The following BLM variants were observed in gnomAD, a reference collection of about 807,000 sequenced individuals.
BLM encodes the protein BLM RecQ like helicase, also known as recQ-like DNA helicase BLM.
Under a neutral mutation model 135.3 loss-of-function variants are expected in BLM, and 95 were observed. The ratio of observed to expected loss-of-function variants is 0.70; its 90% CI spans 0.59 to 0.83. The LOEUF is 0.83. BLM is among the 40% of genes least tolerant of loss of function. BLM has a pLI of 0.00. For synonymous variants in BLM, 520 were observed against 589.2 expected (o/e 0.88, Z 1.70); for missense variants, 1,518 against 1,663.9 (o/e 0.91, Z 1.53).
intron 2 of BLM, among the ~76,000 whole-genome samples, chr15:90,748,801 A>C (rs1895580466): frequency 6.7e-6 from 1 of 148,746 alleles, no homozygotes; most frequent in Admixed American, 6.8e-5. Flanking sequence ...TCTGTCACCC[A>C]GGCTGGAGTG....
chr15:90,784,797 C>T (rs1896702906), intron 13 of BLM, 124 bp from the exon 14 acceptor site: 2 of 1,007,888 alleles, frequency 2.0e-6, no homozygotes, highest in Non-Finnish European at 1.5e-6. Flanking sequence ...TGTGGTCTTC[C>T]AGCAGTATAA....
chr15:90,738,166 T>C (rs898632846), intron 1 of BLM, among the ~76,000 whole-genome samples: 2 of 151,618 alleles, frequency 1.3e-5, no homozygotes, highest in African/African-American at 4.9e-5. Context: ...AGTAATCAGG[T>C]ATCACCCAAC....
At chr15:90,737,712 A>G (rs993403001) in intron 1 of BLM, among the ~76,000 whole-genome samples, 4 of 152,226 alleles carry the variant, frequency 2.6e-5, no homozygotes, top group African/African-American at 7.2e-5. Context: ...AAATGCTTAC[A>G]TTAAAAAAGA....
rs950250082 is a variant in BLM at position 90,773,370 on chromosome 15, A to G, written c.2555+3784A>G. Among the ~76,000 whole-genome samples, 4 of 152,140 alleles carry G rather than the reference A, an allele frequency of 2.6e-5. No individual in the cohort carries two copies. The East Asian group carries it at 7.7e-4, about 29-fold the overall frequency. On this transcript the variant is annotated intron_variant, in intron 12 of 21. Coordinates refer to ENST00000355112, the MANE Select transcript of BLM (RefSeq NM_000057.4). ...GGGAGGCGGAGGTTGCAGTGATCCA[A>G]GATCATACGACTGCACTCCAGCCTG...
At position 90,809,579 on chromosome 15, in the gene BLM, G is replaced by A. The variant is rs1256387149; in HGVS notation, c.3874+320G>A. 1.3e-5 allele frequency among the ~76,000 whole-genome samples: 2 copies of A among 152,184 alleles called. 1 individual carries two copies. Among genetic ancestry groups the A allele is most frequent in the Middle Eastern group, 6.3e-3 (2 of 316 alleles). On this transcript the variant is annotated intron_variant, in intron 20 of 21. Coordinates refer to ENST00000355112, the MANE Select transcript of BLM (RefSeq NM_000057.4). ...GATCTGCCACCACGTCATGCTGTGT[G>A]GTCTCTAGCAGGCCACCAATAGCCT...
Position 90,766,893 on chromosome 15 carries a change from A to G in BLM, c.2194-17A>G, listed in dbSNP as rs755003821. On this transcript the variant is annotated splice_polypyrimidine_tract_variant and intron_variant, in intron 9 of 21. Transcript: ENST00000355112. ...TTAATGTATAAAATTGAAATTGTTT[A>G]CTACTTTTATACTTAGATTCCAGCT... 2.7e-6 allele frequency: 4 copies of G among 1,475,324 alleles called. No individual in the cohort carries two copies. Among genetic ancestry groups the G allele is most frequent in the African/African-American group, 1.4e-5 (1 of 72,044 alleles). The allele number at this position is 1,475,324 out of a possible 1,614,324, so 91.4% of individuals were successfully genotyped here.
At chr15:90,780,132 TG>T (rs1896583133) in intron 12 of BLM, among the ~76,000 whole-genome samples, 1 of 151,024 alleles carries the variant, frequency 6.6e-6, no homozygotes, top group South Asian at 2.1e-4. Flanking sequence ...TCGCCCAGGC[TG>T]GAGTGCAGTG....
chr15:90,809,432 C>A (rs532241109), intron 20 of BLM, among the ~76,000 whole-genome samples, 173 bp downstream of exon 20: 2 of 152,306 alleles, frequency 1.3e-5, no homozygotes, highest in East Asian at 1.9e-4. Context: ...AGTGCTTATG[C>A]CCCCTGTGAG....
chr15:90,802,000 G>C (rs1283861035), intron 17 of BLM, among the ~76,000 whole-genome samples: 1 of 152,038 alleles, frequency 6.6e-6, no homozygotes, highest in African/African-American at 2.4e-5. Context: ...AGGTGGCAGT[G>C]AGCTGTGATC....
Position 90,754,908 on chromosome 15 carries a change from C to G in BLM, c.1057C>G (p.Leu353Val), listed in dbSNP as rs1895778737. Reference protein sequence around the residue: ...SKPEKMSMQELNPETSTDCDA... With the variant: ...SKPEKMSMQEVNPETSTDCDA... Reference sequence around the variant, plus strand: ...ACCTGAGAAAATGAGTATGCAGGAGCTGAATCCAGAAACCAGCACAGACTG... The same window carrying G: ...ACCTGAGAAAATGAGTATGCAGGAGGTGAATCCAGAAACCAGCACAGACTG... Residue 353 changes from leucine (L) to valine (V), a missense_variant, in exon 5 of 22, where the codon CTG (leucine) becomes GTG (valine). Leu to Val is a conservative substitution (Grantham distance 32). Around this residue, in one of 5 missense-constraint regions of BLM, gnomAD observed 724 missense variants for 756.9 expected, o/e 0.96. Coordinates refer to ENST00000355112, the MANE Select transcript of BLM (RefSeq NM_000057.4). 6.2e-7 allele frequency: 1 copy of G among 1,613,850 alleles called. No individual in the cohort carries two copies. The highest frequency in any genetic ancestry group is 8.5e-7 in the Non-Finnish European group (1 of 1,179,960).
chr15:90,810,520 AGACTG>A (rs1897389156), intron 20 of BLM, among the ~76,000 whole-genome samples: 1 of 152,188 alleles, frequency 6.6e-6, no homozygotes. Context: ...CAGGAAATGG[AGACTG>A]GGTCCCCGTG....
At chr15:90,786,988 C>T (rs975055361) in intron 14 of BLM, among the ~76,000 whole-genome samples, 1 of 149,458 alleles carries the variant, frequency 6.7e-6, no homozygotes, top group Non-Finnish European at 1.5e-5. Flanking sequence ...AGAAATTTGC[C>T]GTCACCCAGG....
intron 4 of BLM, among the ~76,000 whole-genome samples, chr15:90,752,295 C>T (rs1284693676): frequency 1.3e-5 from 2 of 151,938 alleles, no homozygotes; most frequent in Non-Finnish European, 2.9e-5. Flanking sequence ...TGTGCCTCAG[C>T]CTCCCAGGTA....
At chr15:90,797,366 A>G (rs144151401) in intron 16 of BLM, among the ~76,000 whole-genome samples, 3,664 of 147,408 alleles carry the variant, frequency 0.025, 171 homozygotes, top group African/African-American at 0.087. Flanking sequence ...CAGGGAGCCA[A>G]GATTGCGCCA....
At chr15:90,784,899 A>C (rs1415796632) in intron 13 of BLM, 22 bp from the exon 14 acceptor site, 1 of 1,609,086 alleles carries the variant, frequency 6.2e-7, no homozygotes, top group Non-Finnish European at 8.5e-7. Flanking sequence ...CTTGTTTCTC[A>C]GTACTCTTGG....
rs1060500647 is a variant in BLM, at chr15:90,794,245, T to C, written c.3098T>C (p.Ile1033Thr). The C allele has an allele frequency of 3.7e-6, 6 of 1,605,960 alleles. No homozygotes were observed. In the Admixed American group the frequency reaches 1.0e-4, roughly 27 times the overall value. Residue 1033 changes from isoleucine to threonine, a missense_variant, in exon 16 of 22, where the codon ATA becomes ACA. Transcript: ENST00000355112. ...LYSMVHYCEN[I>T]TECRRIQLLA... ...AGCATGGTACATTACTGTGAAAATA[T>C]AACGGAATGCAGGAGAATACAGCTT...
chr15:90,754,775 A>G (rs1230469363), intron 4 of BLM, 36 bp from the exon 5 acceptor site: 3 of 1,605,460 alleles, frequency 1.9e-6, no homozygotes, highest in African/African-American at 1.3e-5. Context: ...AGTCTAGCCT[A>G]TAGTATGATT....
rs137853153 is a variant in BLM at position 90,794,254 on chromosome 15, G to A, written c.3107G>A (p.Cys1036Tyr). 6.2e-7 allele frequency: 1 copy of A among 1,606,348 alleles called. No homozygotes were observed. The highest frequency in any genetic ancestry group is 8.5e-7 in the Non-Finnish European group (1 of 1,175,176). ...CATTACTGTGAAAATATAACGGAATGCAGGAGAATACAGCTTTTGGCCTAC... is the reference window on the plus strand; with the variant it reads ...CATTACTGTGAAAATATAACGGAATACAGGAGAATACAGCTTTTGGCCTAC... ...MVHYCENITECRRIQLLAYFG... is the reference protein window; with the variant it reads ...MVHYCENITEYRRIQLLAYFG... Residue 1036 changes from cysteine (C) to tyrosine (Y), a missense_variant, in exon 16 of 22, where the codon TGC becomes TAC. Around this residue, in one of 5 missense-constraint regions of BLM, gnomAD observed 626 missense variants for 681.1 expected, o/e 0.92. Transcript: ENST00000355112.
At position 90,769,466 on chromosome 15, in the gene BLM, A is replaced by G; in HGVS notation, c.2435A>G (p.Lys812Arg). 1.2e-6 allele frequency: 2 copies of G among 1,614,200 alleles called. No homozygotes were observed. The highest frequency in any genetic ancestry group is 1.1e-5 in the South Asian group (1 of 91,086). The stretch of plus-strand genomic sequence containing the variant: ...GGACATGATTTTCGTCAAGATTACA[A>G]AAGAATGAATATGCTTCGCCAGAAG... ...QWGHDFRQDY[K>R]RMNMLRQKFP... Residue 812 changes from lysine (K) to arginine (R), a missense_variant, in exon 12 of 22, where the codon AAA becomes AGA. Lys to Arg is a conservative substitution (Grantham distance 26). Transcript: ENST00000355112.
Sources: allele counts gnomAD v4.1 joint callset (sites outside exome capture counted in the v4.1 genomes callset), GRCh38; gene constraint gnomAD v4.1.1; regional missense constraint gnomAD v4.1.1; transcripts MANE v1.5; gene names NCBI Gene and HGNC (gene_info 2026-07-23, HGNC 2026-07-21).